Variants in SCN2A observed in about 807,000 individuals in gnomAD.
The protein encoded by SCN2A is sodium channel protein type 2 subunit alpha.
In SCN2A, 20 loss-of-function variants were observed where a neutral mutation model predicts 188.7. The observed-to-expected ratio is 0.11, with a 90% CI of 0.07 to 0.15. SCN2A has a LOEUF of 0.15. SCN2A is among the 10% of genes least tolerant of loss of function. The probability of loss-of-function intolerance (pLI) is 1.00; values close to 1 mark genes in which losing one functional copy is unlikely to be tolerated. For synonymous variants in SCN2A, 804 were observed against 833.1 expected (o/e 0.97, Z 0.60); for missense variants, 1,278 against 2,445.0 (o/e 0.52, Z 10.07).
In SCN2A at chr2:165,342,774, T is replaced by A. The variant is rs3769949; in HGVS notation, c.2562+305T>A. ...AACAACACCATAGTCAACTCTCAGT[T>A]ATCTGAGGTTTGCATAACTGCGTAC... On this transcript the variant is annotated intron_variant, in intron 15 of 26. Transcript: ENST00000375437. Among the ~76,000 whole-genome samples the A allele has an allele frequency of 0.44, 67,338 of 152,066 alleles. 15,306 individuals carry two copies. Among genetic ancestry groups the A allele is most frequent in the Middle Eastern group, 0.6 (176 of 294 alleles).
rs140517584 is a variant in SCN2A, at chr2:165,279,382, T to C, written c.-51-16391T>C. Among the ~76,000 whole-genome samples, 692 of 152,000 alleles carry C rather than the reference T, an allele frequency of 4.6e-3. 6 individuals are homozygous for C. The East Asian group carries it at 0.059, about 13-fold the overall frequency. On this transcript the variant is annotated intron_variant, in intron 1 of 26. Coordinates refer to ENST00000375437, the MANE Select transcript of SCN2A (RefSeq NM_001040142.2). ...GTACAAAGGGGAGGAAGTGGAGAGA[T>C]TGGGAACAGAAAATAATTAATCTTT...
chr2:165,295,065 G>A (rs554733577), intron 1 of SCN2A, among the ~76,000 whole-genome samples: 7 of 152,122 alleles, frequency 4.6e-5, no homozygotes, highest in African/African-American at 9.7e-5. Flanking sequence ...CAGGGGGTCC[G>A]AGCTACAGAC....
intron 1 of SCN2A, among the ~76,000 whole-genome samples, chr2:165,252,616 A>G (rs1359820967): frequency 9.0e-6 from 1 of 111,008 alleles, no homozygotes; most frequent in African/African-American, 2.9e-5. Flanking sequence ...GGATTGTGAC[A>G]AAAAAAAGGT....
chr2:165,251,690 G>C (rs543493928), intron 1 of SCN2A, among the ~76,000 whole-genome samples: 2 of 151,924 alleles, frequency 1.3e-5, no homozygotes, highest in Non-Finnish European at 2.9e-5. Flanking sequence ...TAGCCTTGGG[G>C]TGCACTCTGC....
At position 165,354,392 on chromosome 2, in the gene SCN2A, A is replaced by G; in HGVS notation, c.3120A>G (p.Lys1040=). The change falls in exon 17 of 27, where the codon AAA becomes AAG. Residue 1040 remains lysine, a synonymous_variant. Transcript: ENST00000375437. ...AGCAGAAAGCTTTAGATGAAATTAA[A>G]CCGCTTGAAGATCTAAATAATAAAA... ...VRKQKALDEI[K]PLEDLNNKKD... 6.2e-7 allele frequency: 1 copy of G among 1,614,074 alleles called. No individual in the cohort carries two copies. The highest frequency in any genetic ancestry group is 8.5e-7 in the Non-Finnish European group (1 of 1,179,966).
In SCN2A at chr2:165,250,861, C is replaced by T. The variant is rs1694059460; in HGVS notation, c.-52+11221C>T. Among the ~76,000 whole-genome samples the T allele has an allele frequency of 1.3e-5, 2 of 152,044 alleles. 1 individual carries two copies. The highest frequency in any genetic ancestry group is 4.1e-4 in the South Asian group (2 of 4,828). ...TTTGAGATACTGCCTTAACTACCAACAAATTTGATCCCATGTTCTTCATCA... is the reference window on the plus strand; with the variant it reads ...TTTGAGATACTGCCTTAACTACCAATAAATTTGATCCCATGTTCTTCATCA... On this transcript the variant is annotated intron_variant, in intron 1 of 26. Transcript: ENST00000375437.
chr2:165,345,544 C>CT (rs551223884), intron 16 of SCN2A, among the ~76,000 whole-genome samples: 67 of 144,632 alleles, frequency 4.6e-4, no homozygotes, highest in African/African-American at 4.8e-4. Flanking sequence ...GCAAACCCTG[C>CT]TTTTTTTTTT....
intron 1 of SCN2A, among the ~76,000 whole-genome samples, chr2:165,292,642 A>G (rs1343105874): frequency 2.0e-5 from 3 of 152,234 alleles, no homozygotes; most frequent in Admixed American, 6.5e-5. Flanking sequence ...GCCAGAAAGT[A>G]TGAAATACAT....
intron 14 of SCN2A, among the ~76,000 whole-genome samples, chr2:165,332,721 C>T (rs540712389): frequency 7.0e-4 from 106 of 151,914 alleles, no homozygotes; most frequent in African/African-American, 2.4e-3. Flanking sequence ...GGTGGGGTGG[C>T]AATTGAAACA....
chr2:165,246,654 C>T (rs764339980), intron 1 of SCN2A, among the ~76,000 whole-genome samples: 5 of 152,118 alleles, frequency 3.3e-5, no homozygotes, highest in Middle Eastern at 3.2e-3. Flanking sequence ...CAAACTCCTC[C>T]GCTCAGTGTT....
chr2:165,385,972 G>A (rs1175988585), intron 25 of SCN2A, among the ~76,000 whole-genome samples: 2 of 152,084 alleles, frequency 1.3e-5, no homozygotes, highest in African/African-American at 2.4e-5. Flanking sequence ...AACATAATAC[G>A]TGAGTTTATA....
At chr2:165,326,778 A>G in intron 12 of SCN2A, 74 bp from the exon 13 acceptor site, 1 of 1,505,508 alleles carries the variant, frequency 6.6e-7, no homozygotes, top group Non-Finnish European at 9.2e-7. Flanking sequence ...GTTAAATAAC[A>G]CCTGTTGTAG....
intron 11 of SCN2A, among the ~76,000 whole-genome samples, chr2:165,322,520 G>A (rs1698127986): frequency 6.6e-6 from 1 of 152,200 alleles, no homozygotes; most frequent in Non-Finnish European, 1.5e-5. Context: ...TCTTGAGACA[G>A]AGACAAAGGG....
chr2:165,247,091 C>G (rs1693880966), intron 1 of SCN2A, among the ~76,000 whole-genome samples: 1 of 152,048 alleles, frequency 6.6e-6, no homozygotes, highest in Non-Finnish European at 1.5e-5. Context: ...ATCAACTATC[C>G]CTGTTTCTAT....
Position 165,386,831 on chromosome 2 carries a change from T to G in SCN2A, c.4637T>G (p.Val1546Gly). ...ATGATCCTCATCTGCCTTAACATGG[T>G]CACCATGATGGTGGAAACCGATGAC... is the stretch of plus-strand genomic sequence containing the variant. The part of the protein sequence containing the change: ...SIMILICLNM[V>G]TMMVETDDQS... Residue 1546 changes from valine (V) to glycine (G), a missense_variant, in exon 26 of 27, where the codon GTC becomes GGC. By Grantham distance (109) the Val-to-Gly change is moderately radical. Transcript: ENST00000375437. 6.2e-7 allele frequency: 1 copy of G among 1,613,944 alleles called. No homozygotes were observed.
chr2:165,341,080 A>T (rs936408998), intron 14 of SCN2A, among the ~76,000 whole-genome samples: 1 of 151,686 alleles, frequency 6.6e-6, no homozygotes, highest in South Asian at 2.1e-4. Flanking sequence ...CAGTGGTGAT[A>T]TATATATTTT....
At chr2:165,256,775 A>C (rs1274609590) in intron 1 of SCN2A, among the ~76,000 whole-genome samples, 1 of 152,072 alleles carries the variant, frequency 6.6e-6, no homozygotes, top group Non-Finnish European at 1.5e-5. Context: ...ATTTTGAACA[A>C]TGGTATCTTT....
At chr2:165,334,645 AC>A (rs950690013) in intron 14 of SCN2A, among the ~76,000 whole-genome samples, 3 of 151,618 alleles carry the variant, frequency 2.0e-5, no homozygotes, top group African/African-American at 7.3e-5. Flanking sequence ...ATCTCAAAAG[AC>A]CCCACACCTA....
intron 16 of SCN2A, among the ~76,000 whole-genome samples, chr2:165,350,746 G>C (rs1699865965): frequency 6.6e-6 from 1 of 151,016 alleles, no homozygotes; most frequent in Non-Finnish European, 1.5e-5. Context: ...TGGGATTACA[G>C]GCGTGAGCCA....
Sources: gnomAD v4.1 joint callset for allele counts (sites outside exome capture counted in the v4.1 genomes callset) on GRCh38, gnomAD v4.1.1 for gene constraint, MANE v1.5 for transcripts, NCBI Gene and HGNC (gene_info 2026-07-23, HGNC 2026-07-21) for gene names.